The following ANO8 variants were observed in gnomAD, a reference collection of about 807,000 sequenced individuals.
ANO8 encodes anoctamin 8.
A neutral mutation model predicts 120.4 loss-of-function variants in ANO8; 67 were observed. The ratio of observed to expected loss-of-function variants is 0.56; its 90% CI spans 0.46 to 0.68. The LOEUF (loss-of-function observed/expected upper bound fraction) is 0.68. Ranked by LOEUF, ANO8 falls within the 30% of genes least tolerant of loss-of-function variation. The pLI is 0.00. For missense variants in ANO8, 1,526 were observed against 1,737.6 expected (o/e 0.88, Z 2.16); for synonymous variants, 727 against 759.2 (o/e 0.96, Z 0.70).
In ANO8 at chr19:17,329,793, GA is replaced by G; in HGVS notation, c.1367del (p.Ile456ThrfsTer11). ...FVNSYLSLFY[I>X]GFYLKDMERL... is the part of the protein sequence containing the mutation. ...GCTCCATGTCCTTGAGGTAGAAACC[GA>G]TGTAGAAGAGGCTCAGGTACGAGTT... On this transcript the variant is annotated frameshift_variant, in exon 12 of 18. Transcript: ENST00000159087. LOFTEE classifies it high-confidence loss of function. The G allele has an allele frequency of 6.2e-7, 1 of 1,613,576 alleles. No individual in the cohort carries two copies. Among genetic ancestry groups the G allele is most frequent in the Non-Finnish European group, 8.5e-7 (1 of 1,179,868 alleles).
Position 17,333,591 on chromosome 19 carries a change from G to A in ANO8, c.218-37C>T, listed in dbSNP as rs201978702. On this transcript the variant is annotated intron_variant, in intron 2 of 17. Coordinates refer to ENST00000159087, the MANE Select transcript of ANO8 (RefSeq NM_020959.3). This position sits in a 1 kb window ranked among gnomAD's most constrained non-coding sequence, Gnocchi z 7.2. ...CACAGGGACCGATGGCTCCTGCCAC[G>A]AGGGGGCCCAAGGCCTCCTACGTAT... 8.0e-5 allele frequency: 129 copies of A among 1,611,414 alleles called. No individual in the cohort carries two copies. In the East Asian group the frequency reaches 1.7e-3, roughly 21 times the overall value.
intron 5 of ANO8, among the ~76,000 whole-genome samples, chr19:17,332,406 C>T (rs537943398): frequency 3.3e-5 from 5 of 152,262 alleles, no homozygotes; most frequent in Admixed American, 2.6e-4. Context: ...GCCTGTTCCC[C>T]TGCTTTAAAT....
chr19:17,325,843 G>A (rs894865329), intron 16 of ANO8, among the ~76,000 whole-genome samples: 1 of 152,214 alleles, frequency 6.6e-6, no homozygotes, highest in African/African-American at 2.4e-5. Context: ...CAGGAGAATC[G>A]CTTGAACCCG....
At chr19:17,334,447 GGCCCCTCGTCCAGACACCACGCCA>G in intron 1 of ANO8, 94 bp downstream of exon 1, 1 of 937,878 alleles carries the variant, frequency 1.1e-6, no homozygotes, top group Non-Finnish European at 1.6e-6. Context: ...GGGAGGAGCC[GGCCCCTCGTCCAGACACCACGCCA>G]GGTTACGTTT....
In ANO8 at chr19:17,328,145, C is replaced by G. The variant is rs371069110; in HGVS notation, c.2226+17G>C. Reference sequence around the variant, plus strand: ...CGGCGAGGCCCCGCCCCCTGCGAGGCCCCGCCCCCTCCTCACCTCGTACTT... The same window carrying G: ...CGGCGAGGCCCCGCCCCCTGCGAGGGCCCGCCCCCTCCTCACCTCGTACTT... On this transcript the variant is annotated intron_variant, in intron 13 of 17. Transcript: ENST00000159087. The G allele has an allele frequency of 1.1e-3, 1,629 of 1,532,004 alleles. 1 individual carries two copies. The highest frequency in any genetic ancestry group is 1.8e-3 in the Admixed American group (88 of 48,008). The allele number at this position is 1,532,004 out of a possible 1,614,324, so 94.9% of individuals were successfully genotyped here. A position where few individuals can be genotyped will look rare whatever the true frequency, so the allele number is the denominator to read the frequency against.
intron 16 of ANO8, 148 bp downstream of exon 16, chr19:17,327,087 A>G: frequency 2.6e-6 from 2 of 758,786 alleles, no homozygotes; most frequent in Non-Finnish European, 4.1e-6. Context: ...GGAGTGAGCC[A>G]CTGCACCCAG....
rs1156341633 is a variant in ANO8, at chr19:17,328,551, G to A, written c.1837C>T (p.Arg613Trp). The change falls in exon 13 of 18, where the codon CGG becomes TGG. Residue 613 changes from arginine (R) to tryptophan (W), a missense_variant. Transcript: ENST00000159087. Reference protein sequence around the residue: ...EEGGLLDCGLRLKKVSFAERG... With the variant: ...EEGGLLDCGLWLKKVSFAERG... ...TCAGCGAAGCTGACCTTCTTCAGCC[G>A]GAGCCCGCAGTCCAGGAGGCCCCCT... 3 of 1,548,446 alleles carry A rather than the reference G, an allele frequency of 1.9e-6. No individual in the cohort carries two copies. Among genetic ancestry groups the A allele is most frequent in the Non-Finnish European group, 2.6e-6 (3 of 1,147,360 alleles).
At position 17,334,714 on chromosome 19, in the gene ANO8, C is replaced by G. The variant is rs2074350018; in HGVS notation, c.-44G>C. On this transcript the variant is annotated 5_prime_UTR_variant, in exon 1 of 18. Coordinates refer to ENST00000159087, the MANE Select transcript of ANO8 (RefSeq NM_020959.3). ...CAGGGGCTACGGACGGCCCGGGCGA[C>G]GGGGAGCCGCGGGCTCATGGGGCCG... 2 of 1,327,746 alleles carry G rather than the reference C, an allele frequency of 1.5e-6. No individual in the cohort carries two copies. Among genetic ancestry groups the G allele is most frequent in the Non-Finnish European group, 1.9e-6 (2 of 1,036,200 alleles). The allele number at this position is 1,327,746 out of a possible 1,614,324, so 82.2% of individuals were successfully genotyped here.
In ANO8 at chr19:17,324,622, C is replaced by T. The variant is rs569250685; in HGVS notation, c.3331+95G>A. 35 of 1,494,658 alleles carry T rather than the reference C, an allele frequency of 2.3e-5. No individual in the cohort carries two copies. The East Asian group carries it at 7.4e-4, about 32-fold the overall frequency. The allele number at this position is 1,494,658 out of a possible 1,614,324, so 92.6% of individuals were successfully genotyped here. A position where few individuals can be genotyped will look rare whatever the true frequency, so the allele number is the denominator to read the frequency against. ...CCACCAGGACCTAAGACCGGGCTTC[C>T]CCTGTCCCCTTCAGCCCCTCTCCCC... On this transcript the variant is annotated intron_variant, in intron 17 of 17. Coordinates refer to ENST00000159087, the MANE Select transcript of ANO8 (RefSeq NM_020959.3).
Position 17,327,234 on chromosome 19 carries a change from C to T in ANO8, c.2661+1G>A, listed in dbSNP as rs2074278368. 1 of 1,538,796 alleles carries T rather than the reference C, an allele frequency of 6.5e-7. No homozygotes were observed. The highest frequency in any genetic ancestry group is 8.8e-7 in the Non-Finnish European group (1 of 1,139,694). On this transcript the variant is annotated splice_donor_variant, in intron 16 of 17. Coordinates refer to ENST00000159087, the MANE Select transcript of ANO8 (RefSeq NM_020959.3). LOFTEE classifies it high-confidence loss of function. ...AACCGAGCCCAGCCTGGCCCCCCTA[C>T]CTTAAAGGCCTCGCGGCGCTGGTAC...
Position 17,333,260 on chromosome 19 carries a change from G to A in ANO8, c.351-21C>T, listed in dbSNP as rs1471496625. On this transcript the variant is annotated intron_variant, in intron 3 of 17. Transcript: ENST00000159087. The surrounding 1 kb of genome is among the most constrained non-coding windows in gnomAD (Gnocchi z 7.2). ...GTAGGCTGTGAAGAAGGCGGAGGAGGTGGGCTCACAGGGAGGCCCCGGCCC... is the reference window on the plus strand; with the variant it reads ...GTAGGCTGTGAAGAAGGCGGAGGAGATGGGCTCACAGGGAGGCCCCGGCCC... 4.4e-6 allele frequency: 7 copies of A among 1,604,870 alleles called. No individual in the cohort carries two copies. Among genetic ancestry groups the A allele is most frequent in the Non-Finnish European group, 6.0e-6 (7 of 1,173,816 alleles).
At chr19:17,331,931 CTTTTTTTTT>C (rs71180396) in intron 5 of ANO8, among the ~76,000 whole-genome samples, 5 of 78,604 alleles carry the variant, frequency 6.4e-5, no homozygotes, top group South Asian at 5.8e-4. Flanking sequence ...CCGCGCCCGG[CTTTTTTTTT>C]TTTTTTTTTT....
chr19:17,328,639 C>T lies in ANO8; in HGVS notation c.1749G>A (p.Glu583=), dbSNP rs1377803794. 1 of 1,525,602 alleles carries T rather than the reference C, an allele frequency of 6.6e-7. No individual in the cohort carries two copies. Among genetic ancestry groups the T allele is most frequent in the Non-Finnish European group, 8.8e-7 (1 of 1,133,580 alleles). 94.5% of individuals were successfully genotyped at this position (1,525,602 alleles called of 1,614,324 possible). The change falls in exon 13 of 18, where the codon GAG becomes GAA. Residue 583 remains glutamate, a synonymous_variant. Coordinates refer to ENST00000159087, the MANE Select transcript of ANO8 (RefSeq NM_020959.3). The part of the protein sequence containing the change: ...EGDGPPGGKE[E]DEDDEEEEDE... ...CCTCCTCCTCCTCGTCGTCCTCGTC[C>T]TCCTCCTTGCCCCCTGGAGGCCCGT... is the stretch of plus-strand genomic sequence containing the variant.
intron 9 of ANO8, 23 bp from the exon 10 acceptor site, chr19:17,330,274 G>T (rs1264273879): frequency 1.2e-6 from 2 of 1,613,670 alleles, no homozygotes; most frequent in Non-Finnish European, 1.7e-6. Flanking sequence ...GGGGTTCAGG[G>T]CTCATCCCAG....
In ANO8 at chr19:17,325,320, G is replaced by GCTC; in HGVS notation, c.2725_2727dup (p.Glu909dup). The GCTC allele has an allele frequency of 6.2e-7, 1 of 1,604,326 alleles. No homozygotes were observed. Among genetic ancestry groups the GCTC allele is most frequent in the East Asian group, 2.2e-5 (1 of 44,852 alleles). On this transcript the variant is annotated inframe_insertion, in exon 17 of 18. Transcript: ENST00000159087. The stretch of plus-strand genomic sequence containing the variant: ...GCATGGTGCTCTGCATGGCGCTGTC[G>GCTC]CTCCTCCTCCTCCCGCCGCCTGCGC...
chr19:17,328,587 C>G lies in ANO8; in HGVS notation c.1801G>C (p.Glu601Gln). ...EDEEEEEDEEEGEEGGLLDCG... is the reference protein window; with the variant it reads ...EDEEEEEDEEQGEEGGLLDCG... ...TCCAGGAGGCCCCCTTCCTCGCCCT[C>G]CTCCTCGTCCTCCTCTTCCTCCTCG... The change falls in exon 13 of 18, where the codon GAG (glutamate) becomes CAG (glutamine). Residue 601 changes from glutamate (E) to glutamine (Q), a missense_variant. Glu to Gln is a conservative substitution (Grantham distance 29). Around this residue, in one of 8 missense-constraint regions of ANO8, gnomAD observed 467 missense variants for 425.8 expected, o/e 1.10. Coordinates refer to ENST00000159087, the MANE Select transcript of ANO8 (RefSeq NM_020959.3). 1.9e-6 allele frequency: 3 copies of G among 1,545,558 alleles called. No homozygotes were observed. The highest frequency in any genetic ancestry group is 2.6e-6 in the Non-Finnish European group (3 of 1,145,524).
Position 17,327,783 on chromosome 19 carries a change from T to C in ANO8, c.2324A>G (p.Asn775Ser), listed in dbSNP as rs751787050. The C allele has an allele frequency of 1.2e-6, 2 of 1,614,170 alleles. No individual in the cohort carries two copies. The highest frequency in any genetic ancestry group is 8.5e-7 in the Non-Finnish European group (1 of 1,180,018). The change falls in exon 14 of 18, where the codon AAC (asparagine) becomes AGC (serine). Residue 775 changes from asparagine (N) to serine (S), a missense_variant. Physicochemically the swap from Asn to Ser is conservative, Grantham distance 46. Around this residue, in one of 8 missense-constraint regions of ANO8, gnomAD observed 77 missense variants for 131.5 expected, o/e 0.59. Transcript: ENST00000159087. Reference protein sequence around the residue: ...FPLAALCALVNNLIEIRSDAF... With the variant: ...FPLAALCALVSNLIEIRSDAF... ...GTCGCTGCGGATCTCAATGAGGTTGTTGACCAGGGCGCACAGCGCCGCCAG... is the reference window on the plus strand; with the variant it reads ...GTCGCTGCGGATCTCAATGAGGTTGCTGACCAGGGCGCACAGCGCCGCCAG...
At position 17,328,765 on chromosome 19, in the gene ANO8, C is replaced by T; in HGVS notation, c.1623G>A (p.Gly541=). 1 of 1,324,204 alleles carries T rather than the reference C, an allele frequency of 7.6e-7. No individual in the cohort carries two copies. The highest frequency in any genetic ancestry group is 9.6e-7 in the Non-Finnish European group (1 of 1,044,556). The allele number at this position is 1,324,204 out of a possible 1,614,324, so 82.0% of individuals were successfully genotyped here. The change falls in exon 13 of 18, where the codon GGG becomes GGA. Residue 541 remains glycine, a synonymous_variant. Coordinates refer to ENST00000159087, the MANE Select transcript of ANO8 (RefSeq NM_020959.3). The part of the protein sequence containing the change: ...DEGGGGGSGG[G]GRRCLSGGCG... ...AGCCCCCGCTGAGGCACCTGCGGCC[C>T]CCGCCCCCGCTGCCGCCGCCCCCGC...
Position 17,334,700 on chromosome 19 carries a change from G to C in ANO8, c.-30C>G. 7.4e-7 allele frequency: 1 copy of C among 1,354,562 alleles called. No individual in the cohort carries two copies. The highest frequency in any genetic ancestry group is 9.5e-7 in the Non-Finnish European group (1 of 1,058,170). The allele number at this position is 1,354,562 out of a possible 1,614,324, so 83.9% of individuals were successfully genotyped here. A position where few individuals can be genotyped will look rare whatever the true frequency, so the allele number is the denominator to read the frequency against. Reference sequence around the variant, plus strand: ...AGGACAGGTCAGGTCAGGGGCTACGGACGGCCCGGGCGACGGGGAGCCGCG... The same window carrying C: ...AGGACAGGTCAGGTCAGGGGCTACGCACGGCCCGGGCGACGGGGAGCCGCG... On this transcript the variant is annotated 5_prime_UTR_variant, in exon 1 of 18. Transcript: ENST00000159087.
Sources: allele counts gnomAD v4.1 joint callset (sites outside exome capture counted in the v4.1 genomes callset), GRCh38; gene constraint gnomAD v4.1.1; regional missense constraint gnomAD v4.1.1; non-coding constraint Gnocchi (gnomAD v3.1); transcripts MANE v1.5; gene names NCBI Gene and HGNC (gene_info 2026-07-23, HGNC 2026-07-21).